CEP85L: variants seen among roughly 807,000 people sequenced by gnomAD.
CEP85L encodes centrosomal protein of 85 kDa-like.
A neutral mutation model predicts 100.3 loss-of-function variants in CEP85L; 60 were observed. That is an observed-to-expected ratio of 0.60 (90% CI 0.49 to 0.74). The LOEUF is 0.74. Ranked by LOEUF, CEP85L falls within the 30% of genes least tolerant of loss-of-function variation. The pLI is 0.00. For synonymous variants in CEP85L, 319 were observed against 322.7 expected (o/e 0.99, Z 0.12); for missense variants, 973 against 936.2 (o/e 1.04, Z -0.51).
At chr6:118,641,745 A>G (rs140830465) in intron 1 of CEP85L, among the ~76,000 whole-genome samples, 14 of 152,312 alleles carry the variant, frequency 9.2e-5, no homozygotes, top group African/African-American at 3.4e-4. Flanking sequence ...TGAAGATAAT[A>G]CTAAAAATGT....
At chr6:118,706,566 A>C (rs1220824689) in intron 1 of CEP85L, among the ~76,000 whole-genome samples, 1 of 152,212 alleles carries the variant, frequency 6.6e-6, no homozygotes, top group Admixed American at 6.5e-5. Context: ...GATGAAACAT[A>C]CATTTGAACC....
intron 2 of CEP85L, among the ~76,000 whole-genome samples, chr6:118,596,145 T>C (rs976722099): frequency 6.6e-6 from 1 of 152,122 alleles, no homozygotes; most frequent in African/African-American, 2.4e-5. Flanking sequence ...AAAATGAACA[T>C]CTTATAGACC....
intron 2 of CEP85L, among the ~76,000 whole-genome samples, chr6:118,597,841 G>A (rs1354797310): frequency 1.3e-5 from 2 of 152,212 alleles, no homozygotes; most frequent in Non-Finnish European, 2.9e-5. Context: ...GTGGGGCCTA[G>A]TCTGAGAACA....
At chr6:118,472,791 G>T (rs1773064999) in intron 10 of CEP85L, among the ~76,000 whole-genome samples, 4 of 152,088 alleles carry the variant, frequency 2.6e-5, no homozygotes, top group Admixed American at 2.0e-4. Context: ...AAATTAATTT[G>T]CAAACACCTA....
chr6:118,601,654 G>C (rs1228150546), intron 2 of CEP85L, among the ~76,000 whole-genome samples: 4 of 152,114 alleles, frequency 2.6e-5, no homozygotes, highest in Non-Finnish European at 4.4e-5. Flanking sequence ...AGTCCTATGG[G>C]CTGCTGGTTG....
intron 1 of CEP85L, among the ~76,000 whole-genome samples, chr6:118,699,989 C>T (rs980477926): frequency 2.0e-5 from 3 of 152,212 alleles, no homozygotes; most frequent in African/African-American, 7.2e-5. Context: ...GCCACCATAC[C>T]CGGCCTCTAC....
intron 2 of CEP85L, among the ~76,000 whole-genome samples, chr6:118,612,763 C>CAGAAAAAA (rs1248491983): frequency 6.9e-6 from 1 of 145,084 alleles, no homozygotes; most frequent in Non-Finnish European, 1.5e-5. Flanking sequence ...AGACCCAAAG[C>CAGAAAAAA]AGAAAAAAAG....
intron 1 of CEP85L, among the ~76,000 whole-genome samples, chr6:118,668,233 T>TC (rs1776189929): frequency 6.6e-6 from 1 of 152,096 alleles, no homozygotes; most frequent in Non-Finnish European, 1.5e-5. Flanking sequence ...ATAGGACAGC[T>TC]CCCAAAGTTG....
At chr6:118,644,089 T>C (rs537686754) in intron 1 of CEP85L, among the ~76,000 whole-genome samples, 1 of 152,356 alleles carries the variant, frequency 6.6e-6, no homozygotes, top group South Asian at 2.1e-4. Flanking sequence ...TCCACTGGAT[T>C]AGATAATCTC....
At chr6:118,473,011 C>A (rs969900886) in intron 10 of CEP85L, among the ~76,000 whole-genome samples, 22 of 152,136 alleles carry the variant, frequency 1.4e-4, no homozygotes, top group African/African-American at 5.1e-4. Flanking sequence ...TCTATATAAT[C>A]CCCAAACCCA....
intron 10 of CEP85L, 123 bp downstream of exon 10, chr6:118,479,748 C>G (rs1773641455): frequency 1.3e-5 from 6 of 460,568 alleles, no homozygotes; most frequent in Non-Finnish European, 1.9e-5. Flanking sequence ...GCAACTTTAC[C>G]TCAGTGCTAT....
chr6:118,606,021 A>G (rs1772186559), intron 2 of CEP85L, among the ~76,000 whole-genome samples: 1 of 151,656 alleles, frequency 6.6e-6, no homozygotes, highest in Admixed American at 6.6e-5. Flanking sequence ...CTCAAAAAAA[A>G]AAAAAAAAAA....
At chr6:118,702,975 G>A (rs903369694) in intron 1 of CEP85L, among the ~76,000 whole-genome samples, 4 of 133,612 alleles carry the variant, frequency 3.0e-5, no homozygotes, top group Admixed American at 2.5e-4. Flanking sequence ...CAGCCTGGGC[G>A]ACAAAGAGAG....
intron 2 of CEP85L, among the ~76,000 whole-genome samples, chr6:118,572,625 G>C (rs757610330): frequency 1.8e-4 from 27 of 151,820 alleles, no homozygotes; most frequent in Non-Finnish European, 3.8e-4. Context: ...TATATTTTTA[G>C]GTAAATATAT....
chr6:118,565,399 T>C, intron 3 of CEP85L, 130 bp downstream of exon 3: 2 of 866,862 alleles, frequency 2.3e-6, no homozygotes, highest in Non-Finnish European at 3.6e-6. Flanking sequence ...GTAACATTTC[T>C]GCCTATTAAC....
At chr6:118,638,949 C>T (rs1774692165) in intron 1 of CEP85L, among the ~76,000 whole-genome samples, 1 of 152,092 alleles carries the variant, frequency 6.6e-6, no homozygotes, top group Non-Finnish European at 1.5e-5. Context: ...GAACTACTCT[C>T]ATTGAATATT....
chr6:118,696,784 C>T (rs529451484), intron 1 of CEP85L, among the ~76,000 whole-genome samples: 101 of 152,270 alleles, frequency 6.6e-4, no homozygotes, highest in African/African-American at 2.4e-3. Flanking sequence ...TATTACTTCA[C>T]ATGTTAAAAC....
chr6:118,532,410 G>A (rs1486443797), intron 3 of CEP85L, among the ~76,000 whole-genome samples: 4 of 152,112 alleles, frequency 2.6e-5, no homozygotes, highest in Non-Finnish European at 4.4e-5. Flanking sequence ...CCTATTAGGT[G>A]CTATGCTTGC....
At chr6:118,527,566 G>C (rs762646874) in intron 3 of CEP85L, among the ~76,000 whole-genome samples, 2 of 152,026 alleles carry the variant, frequency 1.3e-5, no homozygotes, top group Admixed American at 1.3e-4. Flanking sequence ...ATGAAACTCC[G>C]CATTACCTAC....
Sources: allele counts gnomAD v4.1 joint callset (sites outside exome capture counted in the v4.1 genomes callset), GRCh38; gene constraint gnomAD v4.1.1; transcripts MANE v1.5; gene names NCBI Gene and HGNC (gene_info 2026-07-23, HGNC 2026-07-21).